Variants in MBOAT1 observed in about 807,000 individuals in gnomAD.
MBOAT1 encodes the protein membrane bound glycerophospholipid O-acyltransferase 1.
MBOAT1 carries 67 observed loss-of-function variants against 64.4 expected under a neutral mutation model. The observed-to-expected ratio is 1.04, with a 90% CI of 0.85 to 1.27. The LOEUF (loss-of-function observed/expected upper bound fraction) is 1.27, where lower values mean the gene tolerates loss of function less well. Among genes scored for constraint, MBOAT1 ranks in the 50% most tolerant of loss-of-function variants. MBOAT1 has a pLI of 0.00. For missense variants in MBOAT1, 563 were observed against 604.6 expected, an observed-to-expected ratio of 0.93 and a Z score of 0.72; for synonymous variants, 229 against 218.9, an observed-to-expected ratio of 1.05 and a Z score of -0.41.
At chr6:20,200,399 A>T (rs1008039065) in intron 1 of MBOAT1, among the ~76,000 whole-genome samples, 8 of 152,182 alleles carry the variant, frequency 5.3e-5, no homozygotes, top group Admixed American at 1.3e-4. Flanking sequence ...TTCTGCACTA[A>T]GGTTGAAGGT....
At chr6:20,119,903 C>T (rs554221022) in intron 8 of MBOAT1, among the ~76,000 whole-genome samples, 4 of 152,296 alleles carry the variant, frequency 2.6e-5, no homozygotes, top group South Asian at 2.1e-4. Flanking sequence ...ATCATAACTA[C>T]TTCTAAATTC....
At chr6:20,172,746 A>T (rs1762235903) in intron 1 of MBOAT1, among the ~76,000 whole-genome samples, 1 of 152,252 alleles carries the variant, frequency 6.6e-6, no homozygotes, top group African/African-American at 2.4e-5. Context: ...ACAGACCATC[A>T]ATAGCATATT....
chr6:20,123,897 A>T (rs1432946930), intron 8 of MBOAT1, among the ~76,000 whole-genome samples: 1 of 150,370 alleles, frequency 6.7e-6, no homozygotes, highest in Non-Finnish European at 1.5e-5. Context: ...TCTACTAAAA[A>T]TACAAAAAAA....
intron 1 of MBOAT1, among the ~76,000 whole-genome samples, chr6:20,157,942 G>C (rs775705400): frequency 6.6e-6 from 1 of 151,936 alleles, no homozygotes; most frequent in Non-Finnish European, 1.5e-5. Flanking sequence ...GATCAGCTGA[G>C]GTCAGGAGTT....
chr6:20,135,744 G>A (rs565998422), intron 4 of MBOAT1, among the ~76,000 whole-genome samples: 5 of 152,274 alleles, frequency 3.3e-5, no homozygotes, highest in South Asian at 2.1e-4. Flanking sequence ...GCTCTACTTC[G>A]TATCTTTATT....
intron 1 of MBOAT1, among the ~76,000 whole-genome samples, chr6:20,164,444 T>C (rs1761956706): frequency 6.6e-6 from 1 of 152,168 alleles, no homozygotes; most frequent in Non-Finnish European, 1.5e-5. Context: ...TTAAAAGAAC[T>C]ATAAAGCTTC....
intron 8 of MBOAT1, among the ~76,000 whole-genome samples, chr6:20,123,885 T>C (rs1011335513): frequency 6.6e-5 from 10 of 151,484 alleles, no homozygotes; most frequent in Admixed American, 3.3e-4. Flanking sequence ...TGAAACCCCA[T>C]CTCTACTAAA....
intron 8 of MBOAT1, among the ~76,000 whole-genome samples, chr6:20,119,707 G>A (rs781069575): frequency 5.3e-5 from 8 of 152,166 alleles, no homozygotes; most frequent in Admixed American, 2.0e-4. Flanking sequence ...TTCTCCCGTC[G>A]CCAACTGGAT....
chr6:20,177,286 C>T (rs11963036), intron 1 of MBOAT1, among the ~76,000 whole-genome samples: 1 of 152,188 alleles, frequency 6.6e-6, no homozygotes, highest in Non-Finnish European at 1.5e-5. Flanking sequence ...ACAAATATAT[C>T]TATTTCAAAA....
intron 12 of MBOAT1, 66 bp downstream of exon 12, chr6:20,109,532 C>A: frequency 6.4e-7 from 1 of 1,559,172 alleles, no homozygotes; most frequent in Non-Finnish European, 8.7e-7. Flanking sequence ...TTTACTGCCT[C>A]CTAAGTCAAA....
chr6:20,116,092 G>A (rs1340076482), intron 9 of MBOAT1, among the ~76,000 whole-genome samples: 1 of 152,158 alleles, frequency 6.6e-6, no homozygotes, highest in Non-Finnish European at 1.5e-5. Flanking sequence ...AGCACTTTGG[G>A]AAGCCGAGGC....
At chr6:20,191,078 T>A (rs1014341966) in intron 1 of MBOAT1, among the ~76,000 whole-genome samples, 3 of 152,218 alleles carry the variant, frequency 2.0e-5, no homozygotes, top group African/African-American at 7.2e-5. Flanking sequence ...CCCTCAAAAG[T>A]TCATGTGTTG....
In MBOAT1 at chr6:20,101,687, G is replaced by C. The variant is rs1421500359; in HGVS notation, c.*599C>G. ...GGAAATCATGCAGGAAGGGCAAAAA[G>C]CCAGCAGCCCAGAATGGACTGTCTC... is the stretch of plus-strand genomic sequence containing the variant. On this transcript the variant is annotated 3_prime_UTR_variant, in exon 13 of 13. Coordinates refer to ENST00000324607, the MANE Select transcript of MBOAT1 (RefSeq NM_001080480.3). Among the ~76,000 whole-genome samples, 3 of 152,194 alleles carry C rather than the reference G, an allele frequency of 2.0e-5. No individual in the cohort carries two copies. Among genetic ancestry groups the C allele is most frequent in the Admixed American group, 6.5e-5 (1 of 15,280 alleles).
At chr6:20,126,858 T>A (rs1324398243) in intron 6 of MBOAT1, among the ~76,000 whole-genome samples, 158 bp from the exon 7 acceptor site, 1 of 152,124 alleles carries the variant, frequency 6.6e-6, no homozygotes, top group Non-Finnish European at 1.5e-5. Flanking sequence ...AGAAATCTTG[T>A]GGAAAGGAAA....
At chr6:20,193,893 C>T (rs1762878500) in intron 1 of MBOAT1, among the ~76,000 whole-genome samples, 1 of 152,186 alleles carries the variant, frequency 6.6e-6, no homozygotes, top group Non-Finnish European at 1.5e-5. Flanking sequence ...GTGTGAGCCA[C>T]TGCGCCCAGC....
At chr6:20,201,239 A>T (rs1308965270) in intron 1 of MBOAT1, among the ~76,000 whole-genome samples, 1 of 152,192 alleles carries the variant, frequency 6.6e-6, no homozygotes, top group South Asian at 2.1e-4. Context: ...ACAGAAACAA[A>T]GCCTTCAGAA....
rs1211206904 is a variant in MBOAT1 at position 20,100,147 on chromosome 6, C to T, written c.*2139G>A. 6.6e-6 allele frequency among the ~76,000 whole-genome samples: 1 copy of T among 152,218 alleles called. No individual in the cohort carries two copies. Among genetic ancestry groups the T allele is most frequent in the Non-Finnish European group, 1.5e-5 (1 of 68,050 alleles). ...GGCAGCTGGTCACCAAAGCAGACAC[C>T]TCTGCTCTCATTACCAAGTTCTTCT... is the stretch of plus-strand genomic sequence containing the variant. On this transcript the variant is annotated 3_prime_UTR_variant, in exon 13 of 13. Coordinates refer to ENST00000324607, the MANE Select transcript of MBOAT1 (RefSeq NM_001080480.3).
intron 11 of MBOAT1, among the ~76,000 whole-genome samples, chr6:20,111,837 C>CATATATATACATATATATATAT (rs1554115565): frequency 1.1e-5 from 1 of 92,628 alleles, no homozygotes; most frequent in African/African-American, 3.6e-5. Flanking sequence ...TATATATACA[C>CATATATATACATATATATATAT]ATATATATAC....
At chr6:20,121,462 G>C (rs952702905) in intron 8 of MBOAT1, among the ~76,000 whole-genome samples, 3 of 152,198 alleles carry the variant, frequency 2.0e-5, no homozygotes, top group Non-Finnish European at 1.5e-5. Context: ...GGGAAGCATG[G>C]GGGGGAGTAA....
Sources: gnomAD v4.1 joint callset for allele counts (sites outside exome capture counted in the v4.1 genomes callset) on GRCh38, gnomAD v4.1.1 for gene constraint, MANE v1.5 for transcripts, NCBI Gene and HGNC (gene_info 2026-07-23, HGNC 2026-07-21) for gene names.